The following SLC1A2 variants were observed in gnomAD, a reference collection of about 807,000 sequenced individuals.
SLC1A2 encodes solute carrier family 1 member 2.
In SLC1A2, 15 loss-of-function variants were observed where a neutral mutation model predicts 48.8. The observed-to-expected ratio is 0.31, with a 90% confidence interval of 0.21 to 0.47. SLC1A2 has a LOEUF of 0.47. Ranked by LOEUF, SLC1A2 falls within the 20% of genes least tolerant of loss-of-function variation. SLC1A2 has a pLI of 0.99. For synonymous variants in SLC1A2, 279 were observed against 272.6 expected (o/e 1.02, Z -0.23); for missense variants, 502 against 730.5 (o/e 0.69, Z 3.61).
At chr11:35,338,327 T>C (rs993309838) in intron 1 of SLC1A2, among the ~76,000 whole-genome samples, 8 of 152,166 alleles carry the variant, frequency 5.3e-5, no homozygotes, top group Admixed American at 2.6e-4. Context: ...TTTGCCTCCC[T>C]AGTGTCTGCT....
At chr11:35,317,009 G>A (rs150860778) in intron 2 of SLC1A2, 15 of 186,854 alleles carry the variant, frequency 8.0e-5, no homozygotes, top group Non-Finnish European at 1.4e-4. Context: ...TGATGCAGGC[G>A]GTTCTCTAAA....
chr11:35,376,587 T>C (rs1278438000), intron 1 of SLC1A2, among the ~76,000 whole-genome samples: 1 of 152,238 alleles, frequency 6.6e-6, no homozygotes, highest in Non-Finnish European at 1.5e-5. Context: ...GCCACTGCCA[T>C]TCTTGGGTTA....
intron 1 of SLC1A2, among the ~76,000 whole-genome samples, chr11:35,337,647 C>A (rs1852681637): frequency 6.6e-6 from 1 of 152,124 alleles, no homozygotes. Flanking sequence ...CAGACTCTAC[C>A]TATAGGGTAG....
At chr11:35,342,516 T>G (rs75855046) in intron 1 of SLC1A2, among the ~76,000 whole-genome samples, 3 of 48,100 alleles carry the variant, frequency 6.2e-5, no homozygotes, top group African/African-American at 5.5e-4. Flanking sequence ...CAAATGAGTG[T>G]TTTTTTTGTT....
intron 1 of SLC1A2, among the ~76,000 whole-genome samples, chr11:35,363,143 C>T (rs1430358603): frequency 6.6e-6 from 1 of 152,188 alleles, no homozygotes; most frequent in Non-Finnish European, 1.5e-5. Context: ...GAGAGGCTTA[C>T]TGTCTCTCTA....
chr11:35,418,887 A>T, intron 1 of SLC1A2, 63 bp downstream of exon 1: 3 of 1,470,194 alleles, frequency 2.0e-6, no homozygotes, highest in Non-Finnish European at 2.8e-6. Context: ...CATCCCGGAT[A>T]GGGGCGCCAC....
chr11:35,313,452 G>A (rs1269728720), intron 3 of SLC1A2, among the ~76,000 whole-genome samples: 2 of 152,118 alleles, frequency 1.3e-5, no homozygotes, highest in Non-Finnish European at 2.9e-5. Context: ...GCCCCACTGG[G>A]TTTTTTTCCA....
intron 6 of SLC1A2, chr11:35,299,836 T>C (rs1245397255): frequency 1.3e-5 from 2 of 152,194 alleles, no homozygotes; most frequent in African/African-American, 4.8e-5. Flanking sequence ...CAGAAGAAGT[T>C]TGGCAAAGAA....
At chr11:35,419,931 C>A (rs1406203262), upstream of SLC1A2, 4 of 469,582 alleles carry the variant, frequency 8.5e-6, no homozygotes, top group East Asian at 7.0e-5. This position sits in a 1 kb window ranked among gnomAD's most constrained non-coding sequence, Gnocchi z 5.4. Flanking sequence ...GGCAGGCACA[C>A]CCACCCCATC....
At chr11:35,337,800 G>T (rs1852685992) in intron 1 of SLC1A2, among the ~76,000 whole-genome samples, 1 of 152,186 alleles carries the variant, frequency 6.6e-6, no homozygotes, top group African/African-American at 2.4e-5. Flanking sequence ...CCTCTCCCCT[G>T]CCTTCCAGCT....
chr11:35,301,907 A>C (rs1341724074), intron 5 of SLC1A2, among the ~76,000 whole-genome samples: 1 of 152,240 alleles, frequency 6.6e-6, no homozygotes, highest in African/African-American at 2.4e-5. Context: ...ATTCATTTTC[A>C]TTCCAAACTA....
intron 1 of SLC1A2, among the ~76,000 whole-genome samples, chr11:35,400,792 T>G (rs577763934): frequency 6.6e-6 from 1 of 152,284 alleles, no homozygotes; most frequent in East Asian, 1.9e-4. Context: ...GTAAAATATT[T>G]GAAAAGATTT....
intron 10 of SLC1A2, among the ~76,000 whole-genome samples, chr11:35,262,742 A>G (rs1186943663): frequency 1.3e-5 from 2 of 152,256 alleles, no homozygotes; most frequent in Non-Finnish European, 1.5e-5. Context: ...GCTGAGGATC[A>G]AATAGCCTTC....
intron 1 of SLC1A2, among the ~76,000 whole-genome samples, chr11:35,379,234 A>G (rs1854339438): frequency 6.6e-6 from 1 of 152,220 alleles, no homozygotes; most frequent in South Asian, 2.1e-4. Context: ...TGTCTCAAAA[A>G]AAAAGAAAAA....
chr11:35,378,852 C>T (rs1319375306), intron 1 of SLC1A2, among the ~76,000 whole-genome samples: 1 of 152,168 alleles, frequency 6.6e-6, no homozygotes, highest in East Asian at 1.9e-4. Flanking sequence ...GCCAATGCGG[C>T]TAAATGTAGC....
intron 10 of SLC1A2, chr11:35,261,906 G>C: frequency 2.5e-6 from 1 of 394,512 alleles, no homozygotes. Flanking sequence ...TCAAGCAAAG[G>C]AAAATAAAAA....
intron 1 of SLC1A2, among the ~76,000 whole-genome samples, chr11:35,378,273 A>T (rs1353641046): frequency 6.6e-6 from 1 of 152,278 alleles, no homozygotes; most frequent in Non-Finnish European, 1.5e-5. Flanking sequence ...GCAAAGCATT[A>T]CTTTAGGGAC....
rs1950276006 is a variant in SLC1A2, at chr11:35,253,844, T to C, written c.*7050A>G. ...TGTCTGCAAAATTACAGATACTAAA[T>C]AGATTAATTCAGTCTACACTGAGTT... On this transcript the variant is annotated 3_prime_UTR_variant, in exon 11 of 11. Coordinates refer to ENST00000278379, the MANE Select transcript of SLC1A2 (RefSeq NM_004171.4). 6.6e-6 allele frequency: 1 copy of C among 152,654 alleles called. No homozygotes were observed. The highest frequency in any genetic ancestry group is 1.5e-5 in the Non-Finnish European group (1 of 68,038). The allele number at this position is 152,654 out of a possible 1,614,324, so 9.5% of individuals were successfully genotyped here.
chr11:35,370,445 T>C (rs528815881), intron 1 of SLC1A2, among the ~76,000 whole-genome samples: 4 of 152,276 alleles, frequency 2.6e-5, no homozygotes, highest in Middle Eastern at 6.8e-3. Context: ...CTGAAATAAC[T>C]ACCTAAGTTA....
Sources: allele counts gnomAD v4.1 joint callset (sites outside exome capture counted in the v4.1 genomes callset), GRCh38; gene constraint gnomAD v4.1.1; non-coding constraint Gnocchi (gnomAD v3.1); transcripts MANE v1.5; gene names NCBI Gene and HGNC (gene_info 2026-07-23, HGNC 2026-07-21).